The following SMOC2 variants were observed in gnomAD, a reference collection of about 807,000 sequenced individuals.
SMOC2 encodes the protein SPARC related modular calcium binding 2, also known as SPARC-related modular calcium-binding protein 2.
A neutral mutation model predicts 61.4 loss-of-function variants in SMOC2; 39 were observed. That is an observed-to-expected ratio of 0.64 (90% CI 0.49 to 0.83). SMOC2 has a LOEUF of 0.83. Among genes scored for constraint, SMOC2 ranks in the 40% least tolerant of loss-of-function variants. The pLI is 0.00. For missense variants in SMOC2, 556 were observed against 592.9 expected, an observed-to-expected ratio of 0.94 and a Z score of 0.65; for synonymous variants, 247 against 239.9, an observed-to-expected ratio of 1.03 and a Z score of -0.27.
At chr6:168,549,076 A>G (rs959325327) in intron 6 of SMOC2, 53 bp from the exon 7 acceptor site, 32 of 1,460,362 alleles carry the variant, frequency 2.2e-5, no homozygotes, top group Non-Finnish European at 3.0e-5. Flanking sequence ...ACTAAGGAAC[A>G]TTGTGCTTTC....
At chr6:168,507,270 G>A (rs539653799) in intron 1 of SMOC2, among the ~76,000 whole-genome samples, 2 of 152,306 alleles carry the variant, frequency 1.3e-5, no homozygotes, top group East Asian at 1.9e-4. Flanking sequence ...CAGGATTTAG[G>A]TTATTCCATC....
At chr6:168,518,868 T>G (rs565392847) in intron 2 of SMOC2, among the ~76,000 whole-genome samples, 1 of 150,582 alleles carries the variant, frequency 6.6e-6, no homozygotes, top group Non-Finnish European at 1.5e-5. Context: ...TGTGTATGAA[T>G]GTATTCATGT....
chr6:168,453,588 C>T lies in SMOC2; in HGVS notation c.84+12134C>T, dbSNP rs189881414. Among the ~76,000 whole-genome samples, 33 of 151,670 alleles carry T rather than the reference C, an allele frequency of 2.2e-4. No individual in the cohort carries two copies. The highest frequency in any genetic ancestry group is 1.0e-3 in the South Asian group (5 of 4,792). ...TCTCTCAGTCTCTGCCATTTGCTCT[C>T]TCTCTTTCTGTCTGTCTCTGTTTCT... On this transcript the variant is annotated intron_variant, in intron 1 of 12. Coordinates refer to ENST00000356284, the MANE Select transcript of SMOC2 (RefSeq NM_001166412.2). The surrounding 1 kb of genome is among the most constrained non-coding windows in gnomAD (Gnocchi z 4.4).
In SMOC2 at chr6:168,452,881, C is replaced by T. The variant is rs536144952; in HGVS notation, c.84+11427C>T. 5.9e-5 allele frequency among the ~76,000 whole-genome samples: 9 copies of T among 152,368 alleles called. No individual in the cohort carries two copies. The highest frequency in any genetic ancestry group is 2.1e-4 in the South Asian group (1 of 4,834). ...CCTGCTCTGCTCCTGGAGGCTGACACGAGGCTGACTCCCAGGCCACACTCT... is the reference window on the plus strand; with the variant it reads ...CCTGCTCTGCTCCTGGAGGCTGACATGAGGCTGACTCCCAGGCCACACTCT... On this transcript the variant is annotated intron_variant, in intron 1 of 12. Transcript: ENST00000356284. This position sits in a 1 kb window ranked among gnomAD's most constrained non-coding sequence, Gnocchi z 5.0.
intron 8 of SMOC2, 66 bp from the exon 9 acceptor site, chr6:168,608,091 C>A: frequency 6.8e-7 from 1 of 1,474,134 alleles, no homozygotes; most frequent in Non-Finnish European, 9.3e-7. Flanking sequence ...AAATGGAAGA[C>A]AAACCACAGC....
intron 1 of SMOC2, among the ~76,000 whole-genome samples, chr6:168,477,330 G>C (rs537076932): frequency 1.3e-5 from 2 of 152,342 alleles, no homozygotes; most frequent in African/African-American, 4.8e-5. Context: ...GCATGTCTCT[G>C]AGATCCCAAA....
At chr6:168,573,954 T>C (rs1366521026) in intron 7 of SMOC2, among the ~76,000 whole-genome samples, 2 of 152,290 alleles carry the variant, frequency 1.3e-5, no homozygotes, top group South Asian at 2.1e-4. Flanking sequence ...ATGTGCTCTC[T>C]GGCCATAAGG....
intron 1 of SMOC2, among the ~76,000 whole-genome samples, chr6:168,462,856 G>C (rs1781745171): frequency 6.7e-6 from 1 of 149,860 alleles, no homozygotes; most frequent in Non-Finnish European, 1.5e-5. Flanking sequence ...TTAGTGAGAG[G>C]TGGAAGGCAG....
intron 9 of SMOC2, among the ~76,000 whole-genome samples, chr6:168,624,834 CACAG>C (rs769536788): frequency 2.1e-4 from 30 of 145,732 alleles, no homozygotes; most frequent in Non-Finnish European, 3.9e-4. Flanking sequence ...TACAGAAACA[CACAG>C]ACACAGGCAC....
At chr6:168,635,041 G>A (rs1175800046) in intron 9 of SMOC2, among the ~76,000 whole-genome samples, 1 of 152,222 alleles carries the variant, frequency 6.6e-6, no homozygotes, top group Non-Finnish European at 1.5e-5. Context: ...GCCACAGGAT[G>A]TAGAACACAG....
chr6:168,509,667 A>C (rs1246213483), intron 1 of SMOC2, among the ~76,000 whole-genome samples: 1 of 152,202 alleles, frequency 6.6e-6, no homozygotes, highest in African/African-American at 2.4e-5. Flanking sequence ...AATGATTCAC[A>C]TGTTGTTCTG....
chr6:168,640,481 G>A (rs765132807), intron 9 of SMOC2, among the ~76,000 whole-genome samples: 8 of 152,290 alleles, frequency 5.3e-5, no homozygotes, highest in South Asian at 4.1e-4. Context: ...CAGTGGTAGC[G>A]TTGCTGATTG....
Position 168,509,620 on chromosome 6 carries a change from C to T in SMOC2, c.85-295C>T, listed in dbSNP as rs140185561. ...AAAACATTGCTACTCAGACTTTAAG[C>T]GTTGAACTAGGCACACGTGCACCCC... On this transcript the variant is annotated intron_variant, in intron 1 of 12. Coordinates refer to ENST00000356284, the MANE Select transcript of SMOC2 (RefSeq NM_001166412.2). 7.0e-4 allele frequency among the ~76,000 whole-genome samples: 106 copies of T among 152,280 alleles called. 4 individuals carry two copies. In the South Asian group the frequency reaches 0.017, roughly 24 times the overall value.
At chr6:168,464,186 C>A (rs1218244793) in intron 1 of SMOC2, among the ~76,000 whole-genome samples, 103 of 112,312 alleles carry the variant, frequency 9.2e-4, no homozygotes, top group Non-Finnish European at 1.1e-3. Context: ...GCAAGACTGT[C>A]AAAAAAAAAA....
At chr6:168,659,694 G>GGAGATTGTTGGCTGGA (rs1562410898) in intron 11 of SMOC2, among the ~76,000 whole-genome samples, 1 of 144,950 alleles carries the variant, frequency 6.9e-6, no homozygotes, top group African/African-American at 2.5e-5. Context: ...TGTAGGTAGG[G>GGAGATTGTTGGCTGGA]TGAGGGTGGA....
chr6:168,533,948 G>C (rs1204838484), intron 4 of SMOC2, among the ~76,000 whole-genome samples: 1 of 152,136 alleles, frequency 6.6e-6, no homozygotes, highest in Non-Finnish European at 1.5e-5. Flanking sequence ...AATTTTATCT[G>C]TTTAAAATAC....
At position 168,648,163 on chromosome 6, in the gene SMOC2, G is replaced by A. The variant is rs371655436; in HGVS notation, c.908-2518G>A. On this transcript the variant is annotated intron_variant, in intron 9 of 12. Coordinates refer to ENST00000356284, the MANE Select transcript of SMOC2 (RefSeq NM_001166412.2). ...TTCAGTACTGAGGATTATCTAAAAC[G>A]CCTTTTCTCCCAGATAATAATATTC... Among the ~76,000 whole-genome samples, 9 of 152,118 alleles carry A rather than the reference G, an allele frequency of 5.9e-5. No homozygotes were observed. The East Asian group carries it at 1.5e-3, about 26-fold the overall frequency.
chr6:168,603,242 C>CTTT (rs35236951), intron 8 of SMOC2, among the ~76,000 whole-genome samples: 6 of 96,358 alleles, frequency 6.2e-5, no homozygotes, highest in Non-Finnish European at 8.1e-5. Flanking sequence ...TCAATTAAAC[C>CTTT]TTTTTTTTTT....
intron 9 of SMOC2, among the ~76,000 whole-genome samples, chr6:168,647,783 C>A (rs75863946): frequency 0.01 from 1,526 of 152,242 alleles, 32 homozygotes; most frequent in African/African-American, 0.035. Flanking sequence ...TTTTTGTTCG[C>A]CTTTTTTCTT....
Sources: allele counts gnomAD v4.1 joint callset (sites outside exome capture counted in the v4.1 genomes callset), GRCh38; gene constraint gnomAD v4.1.1; non-coding constraint Gnocchi (gnomAD v3.1); transcripts MANE v1.5; gene names NCBI Gene and HGNC (gene_info 2026-07-23, HGNC 2026-07-21).